TNIK: variants seen among roughly 807,000 people sequenced by gnomAD.
TNIK encodes the protein TRAF2 and NCK interacting kinase.
A neutral mutation model predicts 191.3 loss-of-function variants in TNIK; 49 were observed. The ratio of observed to expected loss-of-function variants is 0.26; its 90% CI spans 0.20 to 0.32. TNIK has a LOEUF of 0.32. TNIK is among the 10% of genes least tolerant of loss of function. The pLI, the probability that TNIK is intolerant of heterozygous loss-of-function variation, is 1.00. For missense variants in TNIK, 1,155 were observed against 1,702.3 expected (o/e 0.68, Z 5.66); for synonymous variants, 594 against 600.9 (o/e 0.99, Z 0.17).
intron 24 of TNIK, among the ~76,000 whole-genome samples, chr3:171,085,792 T>A (rs1360811243): frequency 6.6e-6 from 1 of 152,206 alleles, no homozygotes; most frequent in African/African-American, 2.4e-5. Context: ...GAATTGAAGA[T>A]ATTTCCTTCC....
At chr3:171,090,138 A>G (rs923802044) in intron 23 of TNIK, among the ~76,000 whole-genome samples, 2 of 152,196 alleles carry the variant, frequency 1.3e-5, no homozygotes, top group Non-Finnish European at 2.9e-5. Context: ...AAGCAGGAGC[A>G]TGCAGAGGGA....
chr3:171,217,547 G>A (rs1741593748), intron 3 of TNIK, among the ~76,000 whole-genome samples: 2 of 151,202 alleles, frequency 1.3e-5, no homozygotes, highest in African/African-American at 4.9e-5. Context: ...TAAAATAACA[G>A]TTGCAAAAAA....
chr3:171,132,310 G>A (rs966846928), intron 15 of TNIK, among the ~76,000 whole-genome samples: 6 of 152,196 alleles, frequency 3.9e-5, no homozygotes, highest in African/African-American at 9.6e-5. Flanking sequence ...TTAAAAAATC[G>A]TTTCAACATG....
intron 2 of TNIK, among the ~76,000 whole-genome samples, chr3:171,285,342 A>G (rs1440607774): frequency 6.6e-6 from 1 of 152,256 alleles, no homozygotes; most frequent in East Asian, 1.9e-4. Context: ...TGAATTTGTT[A>G]TCAGTGGTAA....
chr3:171,165,415 CAA>C (rs35708323), intron 10 of TNIK, among the ~76,000 whole-genome samples: 6,845 of 72,572 alleles, frequency 0.094, 529 homozygotes, highest in African/African-American at 0.27. Flanking sequence ...GAACTCATCT[CAA>C]AAAAAAAAAA....
At chr3:171,392,284 G>C (rs982553320) in intron 1 of TNIK, among the ~76,000 whole-genome samples, 2 of 152,128 alleles carry the variant, frequency 1.3e-5, no homozygotes, top group African/African-American at 2.4e-5. Flanking sequence ...CTTGAAAACT[G>C]TATATTGAAA....
chr3:171,398,952 GCT>G (rs1720575098), intron 1 of TNIK, among the ~76,000 whole-genome samples: 1 of 152,106 alleles, frequency 6.6e-6, no homozygotes, highest in African/African-American at 2.4e-5. Flanking sequence ...AGAATCAGAG[GCT>G]CTCCTCTCTG....
chr3:171,241,644 G>A (rs1452690717), intron 2 of TNIK, among the ~76,000 whole-genome samples: 1 of 152,092 alleles, frequency 6.6e-6, no homozygotes, highest in African/African-American at 2.4e-5. Context: ...ATAAAGTATA[G>A]AAGCAGAGGT....
At chr3:171,270,162 G>A (rs890419752) in intron 2 of TNIK, among the ~76,000 whole-genome samples, 5 of 152,082 alleles carry the variant, frequency 3.3e-5, no homozygotes, top group Non-Finnish European at 5.9e-5. Flanking sequence ...AAGTTTAGAA[G>A]GAGCTACTCA....
intron 2 of TNIK, among the ~76,000 whole-genome samples, chr3:171,354,776 T>C (rs780664576): frequency 2.6e-5 from 4 of 152,158 alleles, no homozygotes; most frequent in Admixed American, 6.6e-5. Flanking sequence ...TTCACAAATA[T>C]ATAGATTTCA....
intron 1 of TNIK, among the ~76,000 whole-genome samples, chr3:171,455,737 T>C (rs553906729): frequency 2.0e-5 from 3 of 152,346 alleles, no homozygotes; most frequent in Admixed American, 6.5e-5. Flanking sequence ...TTATTAACTA[T>C]GGTTAAATGT....
rs192627746 is a variant in TNIK at position 171,430,517 on chromosome 3, C to T, written c.57+29490G>A. On this transcript the variant is annotated intron_variant, in intron 1 of 32. Transcript: ENST00000436636. ...AGCCCGGAGTGGTGGTGTGGACTTG[C>T]AGTCCCAGCTACTTAGAAGGCTGAG... 2.1e-3 allele frequency among the ~76,000 whole-genome samples: 322 copies of T among 151,454 alleles called. 2 individuals are homozygous for T. Among genetic ancestry groups the T allele is most frequent in the African/African-American group, 7.3e-3 (301 of 41,256 alleles).
chr3:171,158,369 G>C (rs1428284765), intron 11 of TNIK, among the ~76,000 whole-genome samples: 1 of 152,220 alleles, frequency 6.6e-6, no homozygotes, highest in Non-Finnish European at 1.5e-5. Context: ...TCTGTAAAAT[G>C]GTGGTTGTAC....
At position 171,411,674 on chromosome 3, in the gene TNIK, G is replaced by A. The variant is rs769764276; in HGVS notation, c.58-41989C>T. Among the ~76,000 whole-genome samples the A allele has an allele frequency of 2.0e-4, 31 of 152,254 alleles. 1 individual carries two copies. The highest frequency in any genetic ancestry group is 7.2e-4 in the Admixed American group (11 of 15,292). ...CTGTTGTGAATATTCATTCAGATGAGCAGGAAAACTTCAGGTTATTTTAAA... is the reference window on the plus strand; with the variant it reads ...CTGTTGTGAATATTCATTCAGATGAACAGGAAAACTTCAGGTTATTTTAAA... On this transcript the variant is annotated intron_variant, in intron 1 of 32. Coordinates refer to ENST00000436636, the MANE Select transcript of TNIK (RefSeq NM_015028.4).
intron 2 of TNIK, among the ~76,000 whole-genome samples, chr3:171,311,718 T>C (rs1754035958): frequency 1.3e-5 from 2 of 152,208 alleles, no homozygotes; most frequent in African/African-American, 2.4e-5. Flanking sequence ...ACTTTTTTCC[T>C]GGCTTTCCCA....
chr3:171,309,894 T>C (rs4894793), intron 2 of TNIK, among the ~76,000 whole-genome samples: 82,075 of 151,994 alleles, frequency 0.54, 23,200 homozygotes, highest in African/African-American at 0.68. Context: ...GATTTTTGCT[T>C]CCTAGTTGTC....
At chr3:171,241,974 T>A (rs912367600) in intron 2 of TNIK, among the ~76,000 whole-genome samples, 3 of 151,138 alleles carry the variant, frequency 2.0e-5, no homozygotes, top group South Asian at 2.1e-4. Flanking sequence ...ATGAGAACAC[T>A]TGGACACAGG....
In TNIK at chr3:171,123,613, A is replaced by G. The variant is rs1252208220; in HGVS notation, c.2103T>C (p.Ser701=). 1 of 1,567,308 alleles carries G rather than the reference A, an allele frequency of 6.4e-7. No individual in the cohort carries two copies. Among genetic ancestry groups the G allele is most frequent in the South Asian group, 1.2e-5 (1 of 84,830 alleles). The change falls in exon 18 of 33, where the codon TCT becomes TCC. Residue 701 remains serine (S), a synonymous_variant. Transcript: ENST00000436636. ...TTTCTTACCTTGCTCTGATGGGTTG[A>G]GATCCTAGTCTGGGTCCCAGAGCAC... ...NGSALGPRLG[S]QPIRASNPDL...
intron 1 of TNIK, among the ~76,000 whole-genome samples, chr3:171,444,574 T>TAAAAAAAAAAAAAAAAAAAAAAAAA: frequency 1.1e-5 from 1 of 90,846 alleles, no homozygotes; most frequent in Non-Finnish European, 2.4e-5. Context: ...ATAAACTTGC[T>TAAAAAAAAAAAAAAAAAAAAAAAAA]AAAAAAAAAA....
Sources: gnomAD v4.1 joint callset for allele counts (sites outside exome capture counted in the v4.1 genomes callset) on GRCh38, gnomAD v4.1.1 for gene constraint, MANE v1.5 for transcripts, NCBI Gene and HGNC (gene_info 2026-07-23, HGNC 2026-07-21) for gene names.